GALNTL6: variants seen among roughly 807,000 people sequenced by gnomAD.
GALNTL6 encodes polypeptide N-acetylgalactosaminyltransferase like 6, also known as polypeptide N-acetylgalactosaminyltransferase-like 6.
Under a neutral mutation model 73.7 loss-of-function variants are expected in GALNTL6, and 46 were observed. The ratio of observed to expected loss-of-function variants is 0.62; its 90% CI spans 0.49 to 0.80. GALNTL6 has a LOEUF of 0.80. GALNTL6 is among the 30% of genes least tolerant of loss of function. The probability of loss-of-function intolerance (pLI) is 0.00; values close to 1 mark genes in which losing one functional copy is unlikely to be tolerated. For synonymous variants in GALNTL6, 259 were observed against 263.7 expected (o/e 0.98, Z 0.17); for missense variants, 604 against 755.0 (o/e 0.80, Z 2.34).
At chr4:171,882,183 T>C (rs1160022038) in intron 2 of GALNTL6, among the ~76,000 whole-genome samples, 2 of 152,238 alleles carry the variant, frequency 1.3e-5, no homozygotes, top group African/African-American at 4.8e-5. Flanking sequence ...CATTCAATGT[T>C]ATTTCTATTT....
intron 5 of GALNTL6, among the ~76,000 whole-genome samples, chr4:172,621,445 C>A (rs987519911): frequency 5.3e-5 from 8 of 152,132 alleles, no homozygotes; most frequent in African/African-American, 1.9e-4. Flanking sequence ...TTCACAATTG[C>A]TAGTTGGGGA....
chr4:172,875,233 G>C (rs979542846), intron 7 of GALNTL6, among the ~76,000 whole-genome samples: 1 of 152,174 alleles, frequency 6.6e-6, no homozygotes, highest in Non-Finnish European at 1.5e-5. Context: ...GGGTGAGTTT[G>C]CATTGAGATT....
At chr4:172,072,612 T>C (rs948646279) in intron 2 of GALNTL6, among the ~76,000 whole-genome samples, 1 of 152,180 alleles carries the variant, frequency 6.6e-6, no homozygotes, top group Admixed American at 6.6e-5. Context: ...CCAAACCATA[T>C]ACTTCCCAGT....
At chr4:172,650,707 G>A (rs1740438386) in intron 5 of GALNTL6, among the ~76,000 whole-genome samples, 1 of 152,106 alleles carries the variant, frequency 6.6e-6, no homozygotes, top group Non-Finnish European at 1.5e-5. Context: ...AGATGACAAT[G>A]GACTTTGGGA....
intron 10 of GALNTL6, among the ~76,000 whole-genome samples, chr4:172,988,573 A>C (rs1055150854): frequency 1.3e-5 from 2 of 152,252 alleles, no homozygotes; most frequent in Non-Finnish European, 2.9e-5. Flanking sequence ...GGAGCCAAAT[A>C]TTAATAGCCA....
chr4:172,770,573 AAAG>A (rs1738706364), intron 5 of GALNTL6, among the ~76,000 whole-genome samples: 1 of 152,218 alleles, frequency 6.6e-6, no homozygotes, highest in Admixed American at 6.5e-5. Context: ...AAAAGTATAA[AAAG>A]CAGGCAAATC....
In GALNTL6 at chr4:172,910,950, C is replaced by T. The variant is rs111916463; in HGVS notation, c.1042-20211C>T. Reference sequence around the variant, plus strand: ...GGAGAAACTACAAAACATGACACACCGGCATCCTAAAGAAAGGGGTTGTTT... The same window carrying T: ...GGAGAAACTACAAAACATGACACACTGGCATCCTAAAGAAAGGGGTTGTTT... On this transcript the variant is annotated intron_variant, in intron 8 of 12. Coordinates refer to ENST00000506823, the MANE Select transcript of GALNTL6 (RefSeq NM_001034845.3). 2.2e-3 allele frequency among the ~76,000 whole-genome samples: 336 copies of T among 152,294 alleles called. 5 individuals are homozygous for T. Among genetic ancestry groups the T allele is most frequent in the African/African-American group, 7.3e-3 (303 of 41,540 alleles).
At chr4:171,849,798 G>A (rs1402061556) in intron 2 of GALNTL6, among the ~76,000 whole-genome samples, 1 of 152,136 alleles carries the variant, frequency 6.6e-6, no homozygotes, top group Admixed American at 6.5e-5. Context: ...ACCAGAAAAG[G>A]CACTTCAAAG....
intron 5 of GALNTL6, among the ~76,000 whole-genome samples, chr4:172,606,108 A>G (rs987269489): frequency 3.3e-5 from 5 of 152,180 alleles, no homozygotes. Context: ...GAATTCAGGC[A>G]ATGAGACTGA....
At chr4:172,415,134 A>G (rs1481056494) in intron 5 of GALNTL6, among the ~76,000 whole-genome samples, 1 of 152,214 alleles carries the variant, frequency 6.6e-6, no homozygotes, top group Non-Finnish European at 1.5e-5. Context: ...CAAAGTAATT[A>G]CAGAAAGCAT....
chr4:172,962,171 G>A (rs1035618001), intron 10 of GALNTL6, among the ~76,000 whole-genome samples: 1 of 152,176 alleles, frequency 6.6e-6, no homozygotes, highest in Non-Finnish European at 1.5e-5. Context: ...ACCAGGTAAT[G>A]TCATCAGTTA....
intron 8 of GALNTL6, among the ~76,000 whole-genome samples, chr4:172,892,725 G>A (rs1439190884): frequency 6.6e-6 from 1 of 151,824 alleles, no homozygotes; most frequent in Non-Finnish European, 1.5e-5. Flanking sequence ...GAGATGGGGG[G>A]CAAGAGATGA....
chr4:171,941,634 G>T (rs1285981420), intron 2 of GALNTL6, among the ~76,000 whole-genome samples: 2 of 152,044 alleles, frequency 1.3e-5, no homozygotes, highest in Admixed American at 1.3e-4. Flanking sequence ...GATGGCCAGG[G>T]TTCTTCTGCT....
chr4:172,606,744 G>A (rs1432016798), intron 5 of GALNTL6, among the ~76,000 whole-genome samples: 1 of 139,222 alleles, frequency 7.2e-6, no homozygotes. Context: ...TTGCAGTAGT[G>A]AAGAATGGTG....
At chr4:172,429,146 A>C (rs1425340766) in intron 5 of GALNTL6, among the ~76,000 whole-genome samples, 1 of 132,772 alleles carries the variant, frequency 7.5e-6, no homozygotes, top group Non-Finnish European at 1.7e-5. Flanking sequence ...ACCTCCCCAA[A>C]GCCCCACCTC....
At chr4:171,855,053 C>T (rs10000008) in intron 2 of GALNTL6, among the ~76,000 whole-genome samples, 11,638 of 151,984 alleles carry the variant, frequency 0.077, 1,109 homozygotes, top group African/African-American at 0.23. Flanking sequence ...ACCCCCTTTC[C>T]CTTATTATTA....
In GALNTL6 at chr4:172,151,514, T is replaced by C. The variant is rs934387607; in HGVS notation, c.139-78142T>C. On this transcript the variant is annotated intron_variant, in intron 2 of 12. Coordinates refer to ENST00000506823, the MANE Select transcript of GALNTL6 (RefSeq NM_001034845.3). ...CGCAGAGATTTACACATGAAGACTT[T>C]CAGTATTGTAGGTCCCTTAGGATTA... Among the ~76,000 whole-genome samples, 3 of 152,312 alleles carry C rather than the reference T, an allele frequency of 2.0e-5. No homozygotes were observed. The East Asian group carries it at 5.8e-4, about 29-fold the overall frequency.
At chr4:172,785,429 T>G (rs1739597384) in intron 5 of GALNTL6, among the ~76,000 whole-genome samples, 1 of 152,074 alleles carries the variant, frequency 6.6e-6, no homozygotes, top group Non-Finnish European at 1.5e-5. Flanking sequence ...GTAAAGGAAA[T>G]CAAATATTAA....
chr4:172,235,538 A>G (rs1225728461), intron 3 of GALNTL6, among the ~76,000 whole-genome samples: 1 of 152,072 alleles, frequency 6.6e-6, no homozygotes, highest in East Asian at 1.9e-4. Flanking sequence ...GTTATTTCAA[A>G]AGCCAGTTTT....
Sources: gnomAD v4.1 joint callset for allele counts (sites outside exome capture counted in the v4.1 genomes callset) on GRCh38, gnomAD v4.1.1 for gene constraint, MANE v1.5 for transcripts, NCBI Gene and HGNC (gene_info 2026-07-23, HGNC 2026-07-21) for gene names.